Variants in UBOX5 observed in about 807,000 individuals in gnomAD.
The protein encoded by UBOX5 is RING finger protein 37.
In UBOX5, 28 loss-of-function variants were observed where a neutral mutation model predicts 39.0. That is an observed-to-expected ratio of 0.72 (90% CI 0.53 to 0.98). The LOEUF is 0.98. UBOX5 is among the 50% of genes least tolerant of loss of function. The pLI, the probability that UBOX5 is intolerant of heterozygous loss-of-function variation, is 0.00. For synonymous variants in UBOX5, 283 were observed against 275.5 expected, an observed-to-expected ratio of 1.03 and a Z score of -0.27; for missense variants, 585 against 674.4, an observed-to-expected ratio of 0.87 and a Z score of 1.47.
intron 1 of UBOX5, among the ~76,000 whole-genome samples, chr20:3,142,395 G>A (rs2066524284): frequency 6.6e-6 from 1 of 152,040 alleles, no homozygotes; most frequent in South Asian, 2.1e-4. Flanking sequence ...GAGGTCAGGA[G>A]TTTGAGACCA....
At chr20:3,124,893 G>T (rs565371017) in intron 1 of UBOX5, among the ~76,000 whole-genome samples, 1 of 145,634 alleles carries the variant, frequency 6.9e-6, no homozygotes, top group Non-Finnish European at 1.5e-5. Context: ...CGCCCCGTCT[G>T]GGAGGTGAGG....
At chr20:3,146,859 A>T in intron 1 of UBOX5, 1 of 1,614,216 alleles carries the variant, frequency 6.2e-7, no homozygotes, top group African/African-American at 1.3e-5. Context: ...AGCCATTCCC[A>T]GTAGGATAAC....
At chr20:3,139,303 C>T (rs950337608) in intron 1 of UBOX5, among the ~76,000 whole-genome samples, 1 of 152,162 alleles carries the variant, frequency 6.6e-6, no homozygotes, top group African/African-American at 2.4e-5. Context: ...AGTTTTATAC[C>T]ACGTGGAGCC....
At chr20:3,147,667 G>A (rs2066580601) in intron 1 of UBOX5, 1 of 1,614,216 alleles carries the variant, frequency 6.2e-7, no homozygotes, top group Non-Finnish European at 8.5e-7. Flanking sequence ...GGTGTTCTGG[G>A]TACTGGTTGA....
At chr20:3,127,385 C>A (rs575213805) in intron 1 of UBOX5, among the ~76,000 whole-genome samples, 1 of 152,190 alleles carries the variant, frequency 6.6e-6, no homozygotes, top group Non-Finnish European at 1.5e-5. Context: ...GAAGATCTGT[C>A]ATGGGCCTTG....
chr20:3,143,049 TA>T (rs2148614846), intron 1 of UBOX5, among the ~76,000 whole-genome samples: 1 of 149,912 alleles, frequency 6.7e-6, no homozygotes, highest in East Asian at 1.9e-4. Context: ...AAAAAATTAT[TA>T]GGGCTAACAA....
At chr20:3,118,182 C>A (rs1271577900) in intron 3 of UBOX5, among the ~76,000 whole-genome samples, 1 of 149,532 alleles carries the variant, frequency 6.7e-6, no homozygotes, top group Non-Finnish European at 1.5e-5. Context: ...CAAAAAGAAA[C>A]CATTAACAGG....
chr20:3,131,021 G>A (rs2066425204), intron 1 of UBOX5, among the ~76,000 whole-genome samples: 1 of 152,002 alleles, frequency 6.6e-6, no homozygotes, highest in Non-Finnish European at 1.5e-5. Context: ...CATAAGGTCA[G>A]GAGTTCAAGA....
intron 1 of UBOX5, among the ~76,000 whole-genome samples, chr20:3,135,199 CAG>C (rs906865576): frequency 8.5e-5 from 13 of 152,058 alleles, no homozygotes; most frequent in African/African-American, 3.1e-4. Flanking sequence ...TTGGTCAACT[CAG>C]GGGAAAATTC....
At chr20:3,128,166 T>C (rs972393105) in intron 1 of UBOX5, among the ~76,000 whole-genome samples, 1 of 152,212 alleles carries the variant, frequency 6.6e-6, no homozygotes, top group African/African-American at 2.4e-5. Flanking sequence ...TCTACAAATA[T>C]CCTCAGAAGC....
intron 1 of UBOX5, among the ~76,000 whole-genome samples, chr20:3,128,913 T>C (rs1223697675): frequency 6.6e-6 from 1 of 152,214 alleles, no homozygotes; most frequent in Non-Finnish European, 1.5e-5. Flanking sequence ...ATGTGGTTAT[T>C]ATGCTCTATG....
chr20:3,110,279 A>T lies in UBOX5; in HGVS notation c.1453T>A (p.Ser485Thr), dbSNP rs1371965257. 1 of 1,614,134 alleles carries T rather than the reference A, an allele frequency of 6.2e-7. No individual in the cohort carries two copies. Among genetic ancestry groups the T allele is most frequent in the East Asian group, 2.2e-5 (1 of 44,878 alleles). ...TAGGGAGAAAATACTCTTTTGCAGG[A>T]GGCACATTCGGGGCCCAGGATGCTC... ...PGSILGPECASCKRVFSPYFK... is the reference protein window; with the variant it reads ...PGSILGPECATCKRVFSPYFK... Residue 485 changes from serine to threonine, a missense_variant, in exon 5 of 5, where the codon TCC becomes ACC. By Grantham distance (58) the Ser-to-Thr change is moderately conservative. Coordinates refer to ENST00000217173, the MANE Select transcript of UBOX5 (RefSeq NM_014948.4).
In UBOX5 at chr20:3,114,548, G is replaced by A. The variant is rs190476320; in HGVS notation, c.1417+757C>T. On this transcript the variant is annotated intron_variant, in intron 4 of 4. Coordinates refer to ENST00000217173, the MANE Select transcript of UBOX5 (RefSeq NM_014948.4). ...CCACTGCTCTTTCTAAGACACTGAC[G>A]GAAGTGTTAATCTGAAGGGATGAGG... 3.3e-5 allele frequency among the ~76,000 whole-genome samples: 5 copies of A among 152,210 alleles called. No homozygotes were observed. The East Asian group carries it at 5.8e-4, about 18-fold the overall frequency.
chr20:3,124,539 C>T (rs533161928), intron 1 of UBOX5, among the ~76,000 whole-genome samples: 7 of 152,298 alleles, frequency 4.6e-5, no homozygotes, highest in South Asian at 4.1e-4. Flanking sequence ...TCTGCCCGGC[C>T]GCCACCCCAT....
chr20:3,153,981 C>G (rs780725923), intron 1 of UBOX5, among the ~76,000 whole-genome samples: 1 of 151,974 alleles, frequency 6.6e-6, no homozygotes, highest in Non-Finnish European at 1.5e-5. Context: ...GAATGCTCAA[C>G]CTGTACTTTA....
rs1388465352 is a variant in UBOX5 at position 3,110,188 on chromosome 20, T to C, written c.1544A>G (p.Glu515Gly). The change falls in exon 5 of 5, where the codon GAG becomes GGG. Residue 515 changes from glutamate to glycine, a missense_variant. Glu to Gly is a moderately conservative substitution (Grantham distance 98). Coordinates refer to ENST00000217173, the MANE Select transcript of UBOX5 (RefSeq NM_014948.4). Reference sequence around the variant, plus strand: ...CGTCATGGGCAGGGAGCGTTGCTTCTCACCCAGGCAGGGTCGGCACAGGAG... The same window carrying C: ...CGTCATGGGCAGGGAGCGTTGCTTCCCACCCAGGCAGGGTCGGCACAGGAG... ...GHLLCRPCLG[E>G]KQRSLPMTCT... is the part of the protein sequence containing the mutation. 1.9e-6 allele frequency: 3 copies of C among 1,613,804 alleles called. No homozygotes were observed. The highest frequency in any genetic ancestry group is 2.5e-6 in the Non-Finnish European group (3 of 1,180,032).
chr20:3,145,224 C>T (rs1339669590), intron 1 of UBOX5, among the ~76,000 whole-genome samples: 2 of 151,900 alleles, frequency 1.3e-5, no homozygotes, highest in Non-Finnish European at 1.5e-5. Flanking sequence ...ACAATCACAG[C>T]TCTCTGCAGT....
chr20:3,153,609 T>C (rs1368123052), intron 1 of UBOX5, among the ~76,000 whole-genome samples: 1 of 152,140 alleles, frequency 6.6e-6, no homozygotes, highest in East Asian at 1.9e-4. Context: ...CGGGGGGCAG[T>C]ACGGGGTGGG....
Position 3,110,054 on chromosome 20 carries a change from T to A in UBOX5, c.*52A>T. On this transcript the variant is annotated 3_prime_UTR_variant, in exon 5 of 5. Transcript: ENST00000217173. ...CAGGGGTGCTGTGGCCCTGCTCCTG[T>A]TCCCCCTCAGCTCCTCCCAGCAATG... 3 of 1,598,746 alleles carry A rather than the reference T, an allele frequency of 1.9e-6. No individual in the cohort carries two copies. The South Asian group carries it at 3.3e-5, about 18-fold the overall frequency.
Sources: allele counts gnomAD v4.1 joint callset (sites outside exome capture counted in the v4.1 genomes callset), GRCh38; gene constraint gnomAD v4.1.1; transcripts MANE v1.5; gene names NCBI Gene and HGNC (gene_info 2026-07-23, HGNC 2026-07-21).